IQCJ: variants seen among roughly 807,000 people sequenced by gnomAD.
IQCJ encodes IQ motif containing J, also known as IQ domain-containing protein J.
A neutral mutation model predicts 11.0 loss-of-function variants in IQCJ; 9 were observed. That is an observed-to-expected ratio of 0.82 (90% CI 0.49 to 1.43). IQCJ has a LOEUF of 1.43. Ranked by LOEUF, IQCJ falls within the 40% of genes most tolerant of loss-of-function variation. The pLI, the probability that IQCJ is intolerant of heterozygous loss-of-function variation, is 0.00. For synonymous variants in IQCJ, 55 were observed against 51.3 expected, an observed-to-expected ratio of 1.07 and a Z score of -0.31; for missense variants, 146 against 133.2, an observed-to-expected ratio of 1.10 and a Z score of -0.47.
At chr3:159,138,520 A>T (rs757997398) in intron 1 of IQCJ, among the ~76,000 whole-genome samples, 1 of 152,254 alleles carries the variant, frequency 6.6e-6, no homozygotes, top group Non-Finnish European at 1.5e-5. Context: ...TTTATTTCAA[A>T]GTAAAAAGTT....
chr3:159,211,884 G>T (rs1448515355), intron 1 of IQCJ, among the ~76,000 whole-genome samples: 1 of 152,046 alleles, frequency 6.6e-6, no homozygotes, highest in African/African-American at 2.4e-5. Flanking sequence ...AAATCAAGGA[G>T]AATGGAAAGG....
At chr3:159,223,912 T>C (rs1439328335) in intron 1 of IQCJ, among the ~76,000 whole-genome samples, 8 of 152,022 alleles carry the variant, frequency 5.3e-5, no homozygotes, top group African/African-American at 1.2e-4. Context: ...GTGGGTCCCA[T>C]CCCCAAGATA....
At chr3:159,234,294 A>G (rs1726445090) in intron 1 of IQCJ, among the ~76,000 whole-genome samples, 1 of 152,202 alleles carries the variant, frequency 6.6e-6, no homozygotes, top group Non-Finnish European at 1.5e-5. Flanking sequence ...AAATTCAATT[A>G]ATGTTAGTAG....
intron 1 of IQCJ, among the ~76,000 whole-genome samples, chr3:159,227,438 T>C (rs985003420): frequency 6.6e-6 from 1 of 152,188 alleles, no homozygotes; most frequent in Non-Finnish European, 1.5e-5. Context: ...AATATCAAGA[T>C]TCTTTCCTTT....
At chr3:159,250,193 G>T (rs1727514126) in intron 2 of IQCJ, among the ~76,000 whole-genome samples, 1 of 152,162 alleles carries the variant, frequency 6.6e-6, no homozygotes, top group Admixed American at 6.5e-5. Context: ...AAAGCTATCA[G>T]ATTTAAACCA....
intron 3 of IQCJ, among the ~76,000 whole-genome samples, chr3:159,255,525 T>A (rs1026132461): frequency 4.6e-5 from 7 of 152,110 alleles, no homozygotes; most frequent in African/African-American, 1.4e-4. Context: ...AAAGAATTTA[T>A]AAGAAAGTGT....
At chr3:159,109,909 A>G (rs1718518523) in intron 1 of IQCJ, among the ~76,000 whole-genome samples, 2 of 152,230 alleles carry the variant, frequency 1.3e-5, no homozygotes, top group Non-Finnish European at 2.9e-5. Context: ...ACTAATACCT[A>G]TATACACTAA....
intron 1 of IQCJ, among the ~76,000 whole-genome samples, chr3:159,094,229 A>G (rs1418592345): frequency 6.6e-6 from 1 of 151,438 alleles, no homozygotes; most frequent in Admixed American, 6.6e-5. Context: ...AAAGACAAAT[A>G]TTGGCCTCAA....
intron 1 of IQCJ, among the ~76,000 whole-genome samples, chr3:159,116,620 A>G (rs1472317638): frequency 8.6e-4 from 8 of 9,356 alleles, no homozygotes; most frequent in South Asian, 6.9e-3. Flanking sequence ...ATATGTATAT[A>G]TATATATATA....
rs148324797 is a variant in IQCJ at position 159,124,335 on chromosome 3, T to C, written c.9+54894T>C. ...ACAGTAATGTCTTTCAAACCAATGT[T>C]GAATCAGGTCACTCCTTGCTTGGCT... is the stretch of plus-strand genomic sequence containing the variant. On this transcript the variant is annotated intron_variant, in intron 1 of 3. Coordinates refer to ENST00000397832, the MANE Select transcript of IQCJ (RefSeq NM_001042706.3). Among the ~76,000 whole-genome samples the C allele has an allele frequency of 4.6e-5, 7 of 152,308 alleles. No homozygotes were observed. The East Asian group carries it at 1.3e-3, about 29-fold the overall frequency.
chr3:159,153,649 T>C (rs1448706769), intron 1 of IQCJ, among the ~76,000 whole-genome samples: 1 of 152,208 alleles, frequency 6.6e-6, no homozygotes, highest in Admixed American at 6.5e-5. Context: ...CAACTGCTGA[T>C]TTTCATGAAG....
Position 159,173,028 on chromosome 3 carries a change from G to A in IQCJ, c.10-72815G>A, listed in dbSNP as rs1577059832. Among the ~76,000 whole-genome samples, 3 of 152,242 alleles carry A rather than the reference G, an allele frequency of 2.0e-5. No individual in the cohort carries two copies. In the South Asian group the frequency reaches 6.2e-4, roughly 32 times the overall value. On this transcript the variant is annotated intron_variant, in intron 1 of 3. Transcript: ENST00000397832. ...ACTGGAAATATTATTTCAGGAGATT[G>A]CTCACTGTAAGTAAAATAGATCTAA...
rs1468851855 is a variant in IQCJ, at chr3:159,141,102, C to T, written c.9+71661C>T. Among the ~76,000 whole-genome samples the T allele has an allele frequency of 3.9e-5, 6 of 152,176 alleles. No homozygotes were observed. In the East Asian group the frequency reaches 1.2e-3, roughly 29 times the overall value. ...TAAGAGAACAAGAGGCCAGGAACAACTGTTTCCCAAGAAGGACTAGATCTC... is the reference window on the plus strand; with the variant it reads ...TAAGAGAACAAGAGGCCAGGAACAATTGTTTCCCAAGAAGGACTAGATCTC... On this transcript the variant is annotated intron_variant, in intron 1 of 3. Transcript: ENST00000397832.
Position 159,165,635 on chromosome 3 carries a change from G to C in IQCJ, c.10-80208G>C, listed in dbSNP as rs185709475. ...TTAAAGCTTCTTTTTTTTTTTTTGA[G>C]ACAGATTCTCACTCTGTTGCCAGGC... is the stretch of plus-strand genomic sequence containing the variant. On this transcript the variant is annotated intron_variant, in intron 1 of 3. Coordinates refer to ENST00000397832, the MANE Select transcript of IQCJ (RefSeq NM_001042706.3). 2.7e-5 allele frequency among the ~76,000 whole-genome samples: 4 copies of C among 148,364 alleles called. No individual in the cohort carries two copies. In the East Asian group the frequency reaches 7.8e-4, roughly 29 times the overall value.
At chr3:159,243,989 G>C (rs2108190015) in intron 1 of IQCJ, among the ~76,000 whole-genome samples, 1 of 152,272 alleles carries the variant, frequency 6.6e-6, no homozygotes, top group Non-Finnish European at 1.5e-5. Context: ...AGTAAAGTCT[G>C]GTTCTTAGGT....
chr3:159,207,020 A>G (rs1371742251), intron 1 of IQCJ, among the ~76,000 whole-genome samples: 1 of 152,138 alleles, frequency 6.6e-6, no homozygotes, highest in Non-Finnish European at 1.5e-5. Flanking sequence ...GCTTCTCTCC[A>G]TTCTTGAGCC....
At chr3:159,180,607 G>A (rs922092626) in intron 1 of IQCJ, among the ~76,000 whole-genome samples, 9 of 151,936 alleles carry the variant, frequency 5.9e-5, no homozygotes, top group African/African-American at 2.2e-4. Context: ...GCAGGAGAGA[G>A]AGTGAAAACA....
At chr3:159,077,901 AT>A (rs1350841021) in intron 1 of IQCJ, among the ~76,000 whole-genome samples, 1 of 152,056 alleles carries the variant, frequency 6.6e-6, no homozygotes, top group East Asian at 1.9e-4. Flanking sequence ...CTTCTTGCAA[AT>A]GTAATCCTAA....
intron 1 of IQCJ, among the ~76,000 whole-genome samples, chr3:159,117,730 C>G (rs1302045850): frequency 6.6e-6 from 1 of 152,160 alleles, no homozygotes; most frequent in African/African-American, 2.4e-5. Context: ...AGGTACCCTG[C>G]TAGGCCTGGA....
Sources: gnomAD v4.1 joint callset for allele counts (sites outside exome capture counted in the v4.1 genomes callset) on GRCh38, gnomAD v4.1.1 for gene constraint, MANE v1.5 for transcripts, NCBI Gene and HGNC (gene_info 2026-07-23, HGNC 2026-07-21) for gene names.